The following CHD6 variants were observed in gnomAD, a reference collection of about 807,000 sequenced individuals.
CHD6 encodes the protein ATP-dependent chromatin remodeler CHD6.
Under a neutral mutation model 276.9 loss-of-function variants are expected in CHD6, and 50 were observed. That is an observed-to-expected ratio of 0.18 (90% confidence interval 0.14 to 0.23). The LOEUF (loss-of-function observed/expected upper bound fraction) is 0.23. Ranked by LOEUF, CHD6 falls within the 10% of genes least tolerant of loss-of-function variation. CHD6 has a pLI of 1.00. For synonymous variants in CHD6, 1,173 were observed against 1,229.3 expected (o/e 0.95, Z 0.96); for missense variants, 2,564 against 3,365.8 (o/e 0.76, Z 5.89).
At chr20:41,515,828 GTT>G (rs1340494891) in intron 3 of CHD6, among the ~76,000 whole-genome samples, 1 of 152,180 alleles carries the variant, frequency 6.6e-6, no homozygotes, top group Non-Finnish European at 1.5e-5. Context: ...GCTTGACTAT[GTT>G]TTGTATTCCT....
At chr20:41,583,431 T>C (rs1043573094) in intron 1 of CHD6, among the ~76,000 whole-genome samples, 9 of 151,200 alleles carry the variant, frequency 6.0e-5, no homozygotes, top group African/African-American at 2.2e-4. Flanking sequence ...CGCAGAAATA[T>C]CTCCCCAAAA....
chr20:41,493,397 G>A, intron 10 of CHD6, 141 bp downstream of exon 10: 3 of 830,750 alleles, frequency 3.6e-6, no homozygotes, highest in Non-Finnish European at 5.7e-6. Context: ...GGAAAACACT[G>A]AATTGAGGGT....
chr20:41,595,441 C>T (rs1226079518), intron 1 of CHD6, among the ~76,000 whole-genome samples: 1 of 152,078 alleles, frequency 6.6e-6, no homozygotes, highest in Non-Finnish European at 1.5e-5. Context: ...ACCTAAATTC[C>T]CATGAGGGAA....
chr20:41,570,892 T>C (rs745345839), intron 1 of CHD6, among the ~76,000 whole-genome samples: 1 of 152,198 alleles, frequency 6.6e-6, no homozygotes, highest in East Asian at 1.9e-4. Flanking sequence ...AGATTCCATA[T>C]CCATCCCTTG....
In CHD6 at chr20:41,547,660, T is replaced by G. The variant is rs910918398; in HGVS notation, c.33+3645A>C. Reference sequence around the variant, plus strand: ...GAGGTGGTACCTTCTGCCTCTGCCCTAATCATCAAAGCCCTCAAGGAACCA... The same window carrying G: ...GAGGTGGTACCTTCTGCCTCTGCCCGAATCATCAAAGCCCTCAAGGAACCA... On this transcript the variant is annotated intron_variant, in intron 2 of 36. Coordinates refer to ENST00000373233, the MANE Select transcript of CHD6 (RefSeq NM_032221.5). 1.4e-5 allele frequency: 10 copies of G among 724,926 alleles called. No homozygotes were observed. In the Admixed American group the frequency reaches 1.9e-4, roughly 14 times the overall value. The allele number at this position is 724,926 out of a possible 1,614,324, so 44.9% of individuals were successfully genotyped here. A position where few individuals can be genotyped will look rare whatever the true frequency, so the allele number is the denominator to read the frequency against.
intron 1 of CHD6, among the ~76,000 whole-genome samples, chr20:41,581,662 G>A (rs538624022): frequency 7.2e-5 from 10 of 139,820 alleles, no homozygotes; most frequent in Admixed American, 1.4e-4. Context: ...ACGACAGAGC[G>A]AGACTCCATC....
In CHD6 at chr20:41,403,841, G is replaced by A. The variant is rs567862514; in HGVS notation, c.*752C>T. 30 of 1,056,982 alleles carry A rather than the reference G, an allele frequency of 2.8e-5. No individual in the cohort carries two copies. In the South Asian group the frequency reaches 1.0e-3, roughly 35 times the overall value. The allele number at this position is 1,056,982 out of a possible 1,614,324, so 65.5% of individuals were successfully genotyped here. A position where few individuals can be genotyped will look rare whatever the true frequency, so the allele number is the denominator to read the frequency against. On this transcript the variant is annotated 3_prime_UTR_variant, in exon 37 of 37. Coordinates refer to ENST00000373233, the MANE Select transcript of CHD6 (RefSeq NM_032221.5). ...GAGCGCGGGTCCTTGCCCCACCCCC[G>A]TCGACAGCAATAACTCATGGTGGGT...
intron 3 of CHD6, among the ~76,000 whole-genome samples, chr20:41,532,697 T>C (rs1172570954): frequency 2.0e-5 from 3 of 151,964 alleles, no homozygotes; most frequent in Admixed American, 6.6e-5. Context: ...ACATGGGATA[T>C]AGGGGGTACA....
chr20:41,538,475 C>A (rs564824134), intron 2 of CHD6, among the ~76,000 whole-genome samples: 1 of 152,154 alleles, frequency 6.6e-6, no homozygotes. Context: ...TTGTATAATT[C>A]CATTTATATG....
Position 41,402,235 on chromosome 20 carries a change from A to G in CHD6, c.*2358T>C, listed in dbSNP as rs1389684588. 1 of 221,028 alleles carries G rather than the reference A, an allele frequency of 4.5e-6. No homozygotes were observed. The highest frequency in any genetic ancestry group is 9.1e-6 in the Non-Finnish European group (1 of 110,362). 13.7% of individuals were successfully genotyped at this position (221,028 alleles called of 1,614,324 possible). On this transcript the variant is annotated 3_prime_UTR_variant, in exon 37 of 37. Transcript: ENST00000373233. ...CTCAAGTTTGCTGAAGAGAGTTTAA[A>G]TTTGGCTTTTGCTCTTGGAAACGTC...
At chr20:41,497,657 A>G (rs2043720372) in intron 7 of CHD6, 156 bp from the exon 8 acceptor site, 2 of 652,740 alleles carry the variant, frequency 3.1e-6, no homozygotes, top group Non-Finnish European at 5.5e-6. Context: ...CCTTCCCCTT[A>G]AGGGCAACAA....
At chr20:41,611,809 T>C (rs1447943272) in intron 1 of CHD6, among the ~76,000 whole-genome samples, 1 of 152,148 alleles carries the variant, frequency 6.6e-6, no homozygotes, top group Non-Finnish European at 1.5e-5. Context: ...GGCTAATTTT[T>C]GTATTTTTAG....
intron 16 of CHD6, among the ~76,000 whole-genome samples, chr20:41,476,879 TATGTATAC>T (rs1257147258): frequency 6.6e-6 from 1 of 152,124 alleles, no homozygotes; most frequent in Non-Finnish European, 1.5e-5. Context: ...AATGTGTATG[TATGTATAC>T]ATACATCTAT....
intron 1 of CHD6, among the ~76,000 whole-genome samples, chr20:41,594,514 C>G (rs1334757506): frequency 6.6e-6 from 1 of 152,134 alleles, no homozygotes; most frequent in Non-Finnish European, 1.5e-5. Context: ...AGAAACTCAC[C>G]ACCTCTATAA....
At chr20:41,580,642 T>C (rs1482095196) in intron 1 of CHD6, among the ~76,000 whole-genome samples, 32 of 57,530 alleles carry the variant, frequency 5.6e-4, no homozygotes, top group East Asian at 7.8e-4. Context: ...TGAAACCCAG[T>C]CTCAAAAAAA....
chr20:41,470,167 T>C (rs1437640225), intron 17 of CHD6, among the ~76,000 whole-genome samples: 1 of 152,068 alleles, frequency 6.6e-6, no homozygotes, highest in Non-Finnish European at 1.5e-5. Context: ...CTCTTCCTCA[T>C]CACACCAAGC....
intron 1 of CHD6, among the ~76,000 whole-genome samples, chr20:41,584,637 A>T (rs1479517131): frequency 6.6e-6 from 1 of 152,340 alleles, no homozygotes; most frequent in Middle Eastern, 3.4e-3. Context: ...CTACAAAAAA[A>T]TTAAATTTGA....
At chr20:41,526,503 T>C (rs913138461) in intron 3 of CHD6, among the ~76,000 whole-genome samples, 3 of 152,228 alleles carry the variant, frequency 2.0e-5, no homozygotes, top group African/African-American at 7.2e-5. Context: ...CTACTCTTCC[T>C]GCACCACACA....
chr20:41,449,212 A>G (rs2048163566), intron 23 of CHD6, among the ~76,000 whole-genome samples: 1 of 151,272 alleles, frequency 6.6e-6, no homozygotes, highest in Non-Finnish European at 1.5e-5. Flanking sequence ...CTGTTTGTTT[A>G]TTTATTTATT....
Sources: gnomAD v4.1 joint callset for allele counts (sites outside exome capture counted in the v4.1 genomes callset) on GRCh38, gnomAD v4.1.1 for gene constraint, MANE v1.5 for transcripts, NCBI Gene and HGNC (gene_info 2026-07-23, HGNC 2026-07-21) for gene names.